The following GBE1 variants were observed in gnomAD, a reference collection of about 807,000 sequenced individuals.
GBE1 encodes 1,4-alpha-glucan branching enzyme 1, also known as 1,4-alpha-glucan-branching enzyme.
GBE1 carries 70 observed loss-of-function variants against 88.8 expected under a neutral mutation model. The observed-to-expected ratio is 0.79, with a 90% CI of 0.65 to 0.96. The LOEUF is 0.96. Among genes scored for constraint, GBE1 ranks in the 40% least tolerant of loss-of-function variants. GBE1 has a pLI of 0.00. For synonymous variants in GBE1, 284 were observed against 300.1 expected, an observed-to-expected ratio of 0.95 and a Z score of 0.56; for missense variants, 872 against 871.0, an observed-to-expected ratio of 1.00 and a Z score of -0.01.
chr3:81,640,683 T>C (rs1405190250), intron 7 of GBE1, among the ~76,000 whole-genome samples: 1 of 151,846 alleles, frequency 6.6e-6, no homozygotes, highest in Non-Finnish European at 1.5e-5. Flanking sequence ...ACATTAATAG[T>C]ATAAACCTAT....
At chr3:81,736,448 C>CT (rs1706258447) in intron 1 of GBE1, among the ~76,000 whole-genome samples, 2 of 152,288 alleles carry the variant, frequency 1.3e-5, no homozygotes, top group Admixed American at 6.5e-5. Context: ...ATAAATTTGG[C>CT]TCCATCTGAA....
At chr3:81,631,695 C>T (rs959559116) in intron 7 of GBE1, among the ~76,000 whole-genome samples, 6 of 149,838 alleles carry the variant, frequency 4.0e-5, no homozygotes, top group Admixed American at 2.0e-4. Flanking sequence ...TGTCGTAAGC[C>T]GAGATTGCAC....
chr3:81,530,212 T>C (rs1702994302), intron 14 of GBE1, among the ~76,000 whole-genome samples: 1 of 151,998 alleles, frequency 6.6e-6, no homozygotes, highest in South Asian at 2.1e-4. Flanking sequence ...TCTGATAGAA[T>C]TCTAAATTCC....
rs1167017048 is a variant in GBE1, at chr3:81,751,112, C to CA, written c.143+10262dup. ...TCTCTGTATACCCCCGGCCCTCCGC[C>CA]AAAAAAAAAGAACCCAGAAAAACAA... On this transcript the variant is annotated intron_variant, in intron 1 of 15. Transcript: ENST00000429644. Among the ~76,000 whole-genome samples, 20 of 149,612 alleles carry CA rather than the reference C, an allele frequency of 1.3e-4. No individual in the cohort carries two copies. In the East Asian group the frequency reaches 2.9e-3, roughly 22 times the overall value.
chr3:81,676,121 A>T (rs550775095), intron 2 of GBE1, among the ~76,000 whole-genome samples: 104 of 152,270 alleles, frequency 6.8e-4, no homozygotes, highest in African/African-American at 2.4e-3. Context: ...AATAAATGCT[A>T]ATCAACTGTA....
chr3:81,496,918 AAG>A (rs1559623995), intron 15 of GBE1, among the ~76,000 whole-genome samples: 2 of 152,164 alleles, frequency 1.3e-5, no homozygotes, highest in Non-Finnish European at 2.9e-5. Context: ...TGCTGCTGGG[AAG>A]AGAGAGCTAG....
chr3:81,719,916 A>G (rs973697564), intron 1 of GBE1, among the ~76,000 whole-genome samples: 55 of 152,174 alleles, frequency 3.6e-4, no homozygotes, highest in African/African-American at 1.2e-3. Flanking sequence ...ATAGCCAGAG[A>G]GCCATGGATG....
In GBE1 at chr3:81,535,247, G is replaced by A; in HGVS notation, c.1882C>T (p.His628Tyr). The A allele has an allele frequency of 1.2e-6, 2 of 1,611,132 alleles. No homozygotes were observed. Among genetic ancestry groups the A allele is most frequent in the Non-Finnish European group, 1.7e-6 (2 of 1,178,462 alleles). ...RAGLLFIFNFHPSKSYTDYRV... is the reference protein window; with the variant it reads ...RAGLLFIFNFYPSKSYTDYRV... ...TAGTCAGTGTAGCTCTTGCTTGGAT[G>A]GAAGTTGAAAATGAAAAGAAGACCT... The change falls in exon 14 of 16, where the codon CAT (histidine) becomes TAT (tyrosine). Residue 628 changes from histidine (H) to tyrosine (Y), a missense_variant. His to Tyr is a moderately conservative substitution (Grantham distance 83, BLOSUM62 2). Transcript: ENST00000429644.
intron 1 of GBE1, among the ~76,000 whole-genome samples, chr3:81,712,584 T>C (rs1476358918): frequency 7.1e-6 from 1 of 141,024 alleles, no homozygotes; most frequent in Non-Finnish European, 1.5e-5. Context: ...CACTCATAGG[T>C]GGGAATTGAA....
intron 14 of GBE1, among the ~76,000 whole-genome samples, chr3:81,525,146 T>A (rs1324527364): frequency 1.3e-5 from 2 of 151,892 alleles, no homozygotes; most frequent in African/African-American, 4.8e-5. Flanking sequence ...TTCAATATTT[T>A]TGAATATTTT....
chr3:81,563,904 AG>A (rs1703454921), intron 12 of GBE1, among the ~76,000 whole-genome samples: 1 of 138,512 alleles, frequency 7.2e-6, no homozygotes, highest in African/African-American at 2.6e-5. Context: ...AGACGGAGAA[AG>A]GGAGGGAGGG....
At chr3:81,515,737 AG>A (rs1472078586) in intron 14 of GBE1, among the ~76,000 whole-genome samples, 1 of 151,634 alleles carries the variant, frequency 6.6e-6, no homozygotes, top group Admixed American at 6.6e-5. Flanking sequence ...CAAAGAAATA[AG>A]AAGTGCTACT....
chr3:81,642,483 T>C (rs996564069), intron 7 of GBE1: 2 of 235,124 alleles, frequency 8.5e-6, no homozygotes, highest in Non-Finnish European at 1.6e-5. Context: ...TTAAGTCAAA[T>C]TGATAAAGTG....
chr3:81,545,292 A>G (rs1471322930), intron 12 of GBE1, among the ~76,000 whole-genome samples: 4 of 152,114 alleles, frequency 2.6e-5, no homozygotes, highest in Admixed American at 6.5e-5. Context: ...TGGTTATGGG[A>G]AGGGGCCACA....
At chr3:81,714,200 A>C (rs1300111771) in intron 1 of GBE1, among the ~76,000 whole-genome samples, 1 of 152,202 alleles carries the variant, frequency 6.6e-6, no homozygotes, top group Admixed American at 6.5e-5. Context: ...ATACTGGCAC[A>C]TAAGTTTTCA....
In GBE1 at chr3:81,642,814, T is replaced by A. The variant is rs761603906; in HGVS notation, c.959A>T (p.Asp320Val). ...YFHSGPRGTHDLWDSRLFAYS... is the reference protein window; with the variant it reads ...YFHSGPRGTHVLWDSRLFAYS... Reference sequence around the variant, plus strand: ...GGCAAACAATCTGCTATCCCAAAGATCATGAGTCCCTCTAGGTCCAGAATG... The same window carrying A: ...GGCAAACAATCTGCTATCCCAAAGAACATGAGTCCCTCTAGGTCCAGAATG... Residue 320 changes from aspartate to valine, a missense_variant, in exon 7 of 16, where the codon GAT (aspartate) becomes GTT (valine). Physicochemically the swap from Asp to Val is radical, Grantham distance 152. Transcript: ENST00000429644. 1.2e-6 allele frequency: 2 copies of A among 1,612,872 alleles called. No homozygotes were observed. The highest frequency in any genetic ancestry group is 8.5e-7 in the Non-Finnish European group (1 of 1,179,006).
Position 81,750,600 on chromosome 3 carries a change from T to C in GBE1, c.143+10775A>G, listed in dbSNP as rs1336655733. On this transcript the variant is annotated intron_variant, in intron 1 of 15. Coordinates refer to ENST00000429644, the MANE Select transcript of GBE1 (RefSeq NM_000158.4). ...ACGTATATATATACGTATATATATA[T>C]GTGTATATATATATATGTATATATA... Among the ~76,000 whole-genome samples the C allele has an allele frequency of 4.4e-3, 157 of 35,282 alleles. 9 individuals carry two copies. Among genetic ancestry groups the C allele is most frequent in the East Asian group, 0.017 (5 of 290 alleles). The allele number at this position is 35,282 out of a possible 152,430, so 23.1% of individuals were successfully genotyped here.
intron 6 of GBE1, among the ~76,000 whole-genome samples, chr3:81,643,850 C>G (rs1448318354): frequency 6.6e-6 from 1 of 152,098 alleles, no homozygotes; most frequent in African/African-American, 2.4e-5. Context: ...ATCATGTTAC[C>G]TACTTAAAAT....
rs935330869 is a variant in GBE1 at position 81,761,294 on chromosome 3, C to G, written c.143+81G>C. On this transcript the variant is annotated intron_variant, in intron 1 of 15. Transcript: ENST00000429644. ...TGGGGCGGGGTTGGCGCGCGAGGGCCGAGGGGCGGCCCGTGTCCCGAGACG... is the reference window on the plus strand; with the variant it reads ...TGGGGCGGGGTTGGCGCGCGAGGGCGGAGGGGCGGCCCGTGTCCCGAGACG... 9.3e-6 allele frequency: 14 copies of G among 1,506,568 alleles called. No homozygotes were observed. In the African/African-American group the frequency reaches 1.7e-4, roughly 18 times the overall value. The allele number at this position is 1,506,568 out of a possible 1,614,324, so 93.3% of individuals were successfully genotyped here. A position where few individuals can be genotyped will look rare whatever the true frequency, so the allele number is the denominator to read the frequency against.
Sources: gnomAD v4.1 joint callset for allele counts (sites outside exome capture counted in the v4.1 genomes callset) on GRCh38, gnomAD v4.1.1 for gene constraint, MANE v1.5 for transcripts, NCBI Gene and HGNC (gene_info 2026-07-23, HGNC 2026-07-21) for gene names.